Variants in CDK19 observed in about 807,000 individuals in gnomAD.
CDK19 encodes cyclin dependent kinase 19.
Under a neutral mutation model 68.3 loss-of-function variants are expected in CDK19, and 20 were observed. That is an observed-to-expected ratio of 0.29 (90% CI 0.21 to 0.43). CDK19 has a LOEUF of 0.43. Ranked by LOEUF, CDK19 falls within the 20% of genes least tolerant of loss-of-function variation. The pLI, the probability that CDK19 is intolerant of heterozygous loss-of-function variation, is 1.00. For synonymous variants in CDK19, 221 were observed against 222.8 expected (o/e 0.99, Z 0.07); for missense variants, 339 against 623.5 (o/e 0.54, Z 4.86).
intron 2 of CDK19, among the ~76,000 whole-genome samples, chr6:110,734,559 C>CTCTCTG (rs1408540739): frequency 6.7e-6 from 1 of 149,986 alleles, no homozygotes; most frequent in Non-Finnish European, 1.5e-5. Context: ...CTCTCTCTCT[C>CTCTCTG]TCATGTCTGG....
intron 2 of CDK19, among the ~76,000 whole-genome samples, chr6:110,705,449 C>A (rs1774385316): frequency 6.6e-6 from 1 of 152,096 alleles, no homozygotes; most frequent in African/African-American, 2.4e-5. Flanking sequence ...TGCTCAACTG[C>A]AGGTAAAGAA....
chr6:110,798,629 A>G (rs773091064), intron 1 of CDK19, among the ~76,000 whole-genome samples: 3,719 of 139,102 alleles, frequency 0.027, 34 homozygotes, highest in South Asian at 0.078. Flanking sequence ...CTGTCTCCAG[A>G]AAAAAAAAAA....
At chr6:110,662,902 A>C (rs763928622) in intron 4 of CDK19, among the ~76,000 whole-genome samples, 45 of 152,080 alleles carry the variant, frequency 3.0e-4, no homozygotes, top group Middle Eastern at 6.3e-3. Context: ...CTTCATTTTA[A>C]GTTATTTTTG....
At chr6:110,647,668 A>C (rs1015860014) in intron 4 of CDK19, among the ~76,000 whole-genome samples, 4 of 152,246 alleles carry the variant, frequency 2.6e-5, no homozygotes, top group Non-Finnish European at 5.9e-5. Flanking sequence ...AATCTTTCTG[A>C]GAAAACACCA....
chr6:110,789,120 G>A (rs1279505893), intron 1 of CDK19, among the ~76,000 whole-genome samples: 1 of 152,076 alleles, frequency 6.6e-6, no homozygotes, highest in Non-Finnish European at 1.5e-5. Context: ...AAGAAGAATT[G>A]GCTATGAAAT....
At chr6:110,628,694 T>A (rs964069126) in intron 6 of CDK19, among the ~76,000 whole-genome samples, 1 of 152,246 alleles carries the variant, frequency 6.6e-6, no homozygotes, top group Non-Finnish European at 1.5e-5. Flanking sequence ...GTATATCCAT[T>A]AGCTAGAAGA....
At chr6:110,768,055 A>G (rs891718216) in intron 1 of CDK19, among the ~76,000 whole-genome samples, 11 of 152,204 alleles carry the variant, frequency 7.2e-5, no homozygotes, top group Admixed American at 3.3e-4. Flanking sequence ...AAAGAAAAAG[A>G]AAACAAACAA....
intron 4 of CDK19, among the ~76,000 whole-genome samples, chr6:110,640,527 G>C (rs1437839560): frequency 6.6e-6 from 1 of 152,118 alleles, no homozygotes; most frequent in East Asian, 1.9e-4. Flanking sequence ...AAAAAGGGTG[G>C]TAAAGATTTT....
At chr6:110,685,669 T>A (rs1381279205) in intron 2 of CDK19, among the ~76,000 whole-genome samples, 2 of 152,240 alleles carry the variant, frequency 1.3e-5, no homozygotes, top group Non-Finnish European at 2.9e-5. Context: ...AAAAGTCTGA[T>A]AAATTGTTAA....
Position 110,621,985 on chromosome 6 carries a change from T to G in CDK19, c.1110+103A>C. The G allele has an allele frequency of 1.7e-6, 1 of 596,304 alleles. No homozygotes were observed. Among genetic ancestry groups the G allele is most frequent in the Non-Finnish European group, 2.9e-6 (1 of 346,796 alleles). The allele number at this position is 596,304 out of a possible 1,614,324, so 36.9% of individuals were successfully genotyped here. A position where few individuals can be genotyped will look rare whatever the true frequency, so the allele number is the denominator to read the frequency against. ...AGATACATTCAAATTTAATTAAATATTAGAAAAGGTGGTTAAATGTATAGG... is the reference window on the plus strand; with the variant it reads ...AGATACATTCAAATTTAATTAAATAGTAGAAAAGGTGGTTAAATGTATAGG... On this transcript the variant is annotated intron_variant, in intron 11 of 12. Coordinates refer to ENST00000368911, the MANE Select transcript of CDK19 (RefSeq NM_015076.5). This position sits in a 1 kb window ranked among gnomAD's most constrained non-coding sequence, Gnocchi z 5.4.
intron 1 of CDK19, among the ~76,000 whole-genome samples, chr6:110,761,454 A>G (rs1779225305): frequency 6.6e-6 from 1 of 152,230 alleles, no homozygotes; most frequent in African/African-American, 2.4e-5. Flanking sequence ...AAAGAACTGC[A>G]AAAACTTGAT....
intron 5 of CDK19, among the ~76,000 whole-genome samples, chr6:110,633,070 T>A (rs1266613980): frequency 1.3e-5 from 2 of 151,644 alleles, no homozygotes; most frequent in African/African-American, 4.9e-5. Flanking sequence ...AATACAAAAA[T>A]TAGCTGGGCG....
chr6:110,632,746 G>A (rs1408591167), intron 5 of CDK19, among the ~76,000 whole-genome samples: 2 of 152,146 alleles, frequency 1.3e-5, no homozygotes, highest in East Asian at 3.9e-4. Context: ...CCCCAAGAAA[G>A]ATATTCTGAT....
intron 1 of CDK19, among the ~76,000 whole-genome samples, chr6:110,777,886 G>C (rs1211521497): frequency 6.6e-6 from 1 of 152,160 alleles, no homozygotes; most frequent in Non-Finnish European, 1.5e-5. Context: ...CCTCACAAAA[G>C]GACAAACACT....
chr6:110,728,271 G>A (rs530737273), intron 2 of CDK19, among the ~76,000 whole-genome samples: 3 of 145,762 alleles, frequency 2.1e-5, no homozygotes, highest in East Asian at 4.0e-4. Context: ...CTGGGTGACA[G>A]AGCAAGACTC....
chr6:110,671,728 A>G (rs763996495), intron 2 of CDK19, among the ~76,000 whole-genome samples: 1 of 152,194 alleles, frequency 6.6e-6, no homozygotes, highest in Non-Finnish European at 1.5e-5. Context: ...AGACATATAA[A>G]TAGATCAATG....
chr6:110,748,629 TC>T (rs1778235786), intron 1 of CDK19, among the ~76,000 whole-genome samples: 2 of 152,268 alleles, frequency 1.3e-5, no homozygotes, highest in Non-Finnish European at 2.9e-5. Flanking sequence ...ATATGGGACT[TC>T]TTGGCACTGT....
Position 110,814,787 on chromosome 6 carries a change from C to T in CDK19, c.128+222G>A, listed in dbSNP as rs1378233707. On this transcript the variant is annotated intron_variant, in intron 1 of 12. Transcript: ENST00000368911. Reference sequence around the variant, plus strand: ...CCCCTCTGGGACGGGACCGACGCCTCGGACCGGGCTGCGCCGCGGGAGTTC... The same window carrying T: ...CCCCTCTGGGACGGGACCGACGCCTTGGACCGGGCTGCGCCGCGGGAGTTC... 6 of 683,908 alleles carry T rather than the reference C, an allele frequency of 8.8e-6. No individual in the cohort carries two copies. In the East Asian group the frequency reaches 1.5e-4, roughly 17 times the overall value. 42.4% of individuals were successfully genotyped at this position (683,908 alleles called of 1,614,324 possible).
At chr6:110,716,775 T>A in intron 2 of CDK19, among the ~76,000 whole-genome samples, 1 of 152,176 alleles carries the variant, frequency 6.6e-6, no homozygotes, top group East Asian at 1.9e-4. Context: ...TCTCTGTATA[T>A]CAATATATCA....
Sources: allele counts gnomAD v4.1 joint callset (sites outside exome capture counted in the v4.1 genomes callset), GRCh38; gene constraint gnomAD v4.1.1; non-coding constraint Gnocchi (gnomAD v3.1); transcripts MANE v1.5; gene names NCBI Gene and HGNC (gene_info 2026-07-23, HGNC 2026-07-21).